Variants in SNX29 observed in about 807,000 individuals in gnomAD.
SNX29 encodes sorting nexin-29.
Under a neutral mutation model 102.1 loss-of-function variants are expected in SNX29, and 78 were observed. The ratio of observed to expected loss-of-function variants is 0.76; its 90% CI spans 0.64 to 0.92. The LOEUF is 0.92. Ranked by LOEUF, SNX29 falls within the 40% of genes least tolerant of loss-of-function variation. The pLI, the probability that SNX29 is intolerant of heterozygous loss-of-function variation, is 0.00. For missense variants in SNX29, 1,280 were observed against 1,061.7 expected, an observed-to-expected ratio of 1.21 and a Z score of -2.86; for synonymous variants, 580 against 414.5, an observed-to-expected ratio of 1.40 and a Z score of -4.85.
chr16:12,424,762 C>T (rs1296543494), intron 18 of SNX29, among the ~76,000 whole-genome samples: 1 of 152,150 alleles, frequency 6.6e-6, no homozygotes, highest in Non-Finnish European at 1.5e-5. Flanking sequence ...TCCGTCTCTC[C>T]CCTCTCTATA....
At position 12,117,221 on chromosome 16, in the gene SNX29, G is replaced by A. The variant is rs867738143; in HGVS notation, c.1403-9412G>A. On this transcript the variant is annotated intron_variant, in intron 11 of 20. Transcript: ENST00000566228. ...GCGGATGAACCGTGGAAACAGGCAT[G>A]GTCAATACGTGCTTCAATGCGGACG... Among the ~76,000 whole-genome samples the A allele has an allele frequency of 1.8e-4, 25 of 140,884 alleles. 1 individual carries two copies. The Middle Eastern group carries it at 0.012, about 68-fold the overall frequency. 92.4% of individuals were successfully genotyped at this position (140,884 alleles called of 152,430 possible).
chr16:12,310,026 A>T (rs1567423522), intron 15 of SNX29, among the ~76,000 whole-genome samples: 1 of 114,640 alleles, frequency 8.7e-6, no homozygotes, highest in Non-Finnish European at 1.8e-5. Context: ...ACGCTTGCAC[A>T]CATGGATGTG....
intron 20 of SNX29, among the ~76,000 whole-genome samples, chr16:12,543,130 G>A (rs937322218): frequency 3.3e-5 from 5 of 152,166 alleles, no homozygotes; most frequent in African/African-American, 1.2e-4. Context: ...CTTATAGATG[G>A]TTTAGATCCA....
At chr16:12,425,704 C>G (rs1449095264) in intron 18 of SNX29, among the ~76,000 whole-genome samples, 4 of 152,202 alleles carry the variant, frequency 2.6e-5, no homozygotes, top group Admixed American at 6.5e-5. Flanking sequence ...AGAGTGTGTC[C>G]TGGAGTTTGC....
At position 12,356,920 on chromosome 16, in the gene SNX29, C is replaced by G. The variant is rs564051816; in HGVS notation, c.1899+641C>G. Among the ~76,000 whole-genome samples the G allele has an allele frequency of 3.9e-5, 6 of 152,350 alleles. No homozygotes were observed. In the South Asian group the frequency reaches 6.2e-4, roughly 16 times the overall value. On this transcript the variant is annotated intron_variant, in intron 16 of 20. Coordinates refer to ENST00000566228, the MANE Select transcript of SNX29 (RefSeq NM_032167.5). ...GCCAGATGTCCTCTGCATTTCAGAA[C>G]CTGGCAGAATCACCCCTGGTTGAGA...
At chr16:12,409,705 C>A (rs1031814036) in intron 18 of SNX29, among the ~76,000 whole-genome samples, 1 of 152,066 alleles carries the variant, frequency 6.6e-6, no homozygotes, top group Non-Finnish European at 1.5e-5. Context: ...GTATGTTAGG[C>A]CTTAAAAAAG....
chr16:12,208,331 G>A (rs540678748), intron 14 of SNX29, among the ~76,000 whole-genome samples: 1 of 152,218 alleles, frequency 6.6e-6, no homozygotes, highest in African/African-American at 2.4e-5. Flanking sequence ...CCCTGCTGGG[G>A]CACTCAGAGG....
rs144597924 is a variant in SNX29, at chr16:12,208,111, C to T, written c.1678+8428C>T. Among the ~76,000 whole-genome samples, 7 of 152,258 alleles carry T rather than the reference C, an allele frequency of 4.6e-5. No homozygotes were observed. In the East Asian group the frequency reaches 9.6e-4, roughly 21 times the overall value. On this transcript the variant is annotated intron_variant, in intron 14 of 20. Coordinates refer to ENST00000566228, the MANE Select transcript of SNX29 (RefSeq NM_032167.5). ...AGCAACATTCCATACCACTTAAGAGCGGGGAGATGATTATCATTCTCCTTT... is the reference window on the plus strand; with the variant it reads ...AGCAACATTCCATACCACTTAAGAGTGGGGAGATGATTATCATTCTCCTTT...
intron 15 of SNX29, among the ~76,000 whole-genome samples, chr16:12,304,285 C>A (rs1474105964): frequency 6.6e-6 from 1 of 151,580 alleles, no homozygotes; most frequent in African/African-American, 2.4e-5. Flanking sequence ...TCGGAACTTA[C>A]TGTTGGCTTT....
At chr16:12,417,991 A>AGGGAAT (rs2084712054) in intron 18 of SNX29, among the ~76,000 whole-genome samples, 1 of 152,138 alleles carries the variant, frequency 6.6e-6, no homozygotes, top group Admixed American at 6.6e-5. Context: ...GGGAAGGGGA[A>AGGGAAT]GGGAATAGAT....
chr16:12,457,159 A>G (rs1031713445), intron 18 of SNX29, among the ~76,000 whole-genome samples: 4 of 152,030 alleles, frequency 2.6e-5, no homozygotes, highest in African/African-American at 7.3e-5. Context: ...GGAGAGTTCA[A>G]CCCCTTTCCA....
intron 20 of SNX29, among the ~76,000 whole-genome samples, chr16:12,561,736 G>A (rs558344796): frequency 2.6e-5 from 4 of 152,144 alleles, no homozygotes; most frequent in African/African-American, 9.7e-5. Flanking sequence ...CAGCAGGGAG[G>A]ATGGAGATGG....
chr16:12,269,237 A>G (rs529332727), intron 14 of SNX29, among the ~76,000 whole-genome samples: 1 of 152,204 alleles, frequency 6.6e-6, no homozygotes, highest in Non-Finnish European at 1.5e-5. Flanking sequence ...GAGTATAGGC[A>G]GGTAAGTAGA....
At chr16:12,354,931 A>G (rs1033572629) in intron 15 of SNX29, among the ~76,000 whole-genome samples, 3 of 152,198 alleles carry the variant, frequency 2.0e-5, no homozygotes, top group Non-Finnish European at 4.4e-5. Flanking sequence ...ATTTTCACTT[A>G]CTATTTCATA....
chr16:12,432,817 A>G (rs1169567640), intron 18 of SNX29, among the ~76,000 whole-genome samples: 1 of 152,194 alleles, frequency 6.6e-6, no homozygotes, highest in Non-Finnish European at 1.5e-5. Context: ...TAGGGGTGAG[A>G]GGCTGGGTCT....
At chr16:11,992,173 A>C (rs2055878929) in intron 1 of SNX29, among the ~76,000 whole-genome samples, 1 of 152,098 alleles carries the variant, frequency 6.6e-6, no homozygotes, top group Admixed American at 6.6e-5. Context: ...GCATGCCTGT[A>C]GTCCCAGCTA....
chr16:11,985,514 G>T (rs908061766), intron 1 of SNX29, among the ~76,000 whole-genome samples: 4 of 152,286 alleles, frequency 2.6e-5, no homozygotes, highest in African/African-American at 9.6e-5. Flanking sequence ...TTTCTGTCTG[G>T]CTGTCAACTC....
At chr16:12,311,499 C>G (rs771849675) in intron 15 of SNX29, among the ~76,000 whole-genome samples, 6 of 152,242 alleles carry the variant, frequency 3.9e-5, no homozygotes, top group Non-Finnish European at 8.8e-5. Flanking sequence ...GGCCGCCTCC[C>G]ATTTCCTCCA....
At chr16:12,278,738 A>G (rs1189229691) in intron 15 of SNX29, among the ~76,000 whole-genome samples, 1 of 152,248 alleles carries the variant, frequency 6.6e-6, no homozygotes, top group Non-Finnish European at 1.5e-5. Flanking sequence ...TCATTTGTGT[A>G]TAAGATGTAC....
Sources: gnomAD v4.1 joint callset for allele counts (sites outside exome capture counted in the v4.1 genomes callset) on GRCh38, gnomAD v4.1.1 for gene constraint, MANE v1.5 for transcripts, NCBI Gene and HGNC (gene_info 2026-07-23, HGNC 2026-07-21) for gene names.